The following MGST1 variants were observed in gnomAD, a reference collection of about 807,000 sequenced individuals.
MGST1 encodes the protein glutathione S-transferase 12.
A neutral mutation model predicts 8.9 loss-of-function variants in MGST1; 5 were observed. The observed-to-expected ratio is 0.56, with a 90% CI of 0.29 to 1.19. MGST1 has a LOEUF of 1.19. Among genes scored for constraint, MGST1 ranks in the 50% most tolerant of loss-of-function variants. The pLI is 0.08. For synonymous variants in MGST1, 54 were observed against 67.8 expected (o/e 0.80, Z 1.00); for missense variants, 182 against 187.4 (o/e 0.97, Z 0.17).
chr12:16,460,852 C>A (rs1360350996), intron 4 of MGST1, among the ~76,000 whole-genome samples: 3 of 151,962 alleles, frequency 2.0e-5, no homozygotes, highest in African/African-American at 7.2e-5. Context: ...ACAAAATACT[C>A]TTAAATGGTA....
At chr12:16,550,466 A>T (rs551934925) in intron 4 of MGST1, 14 of 152,592 alleles carry the variant, frequency 9.2e-5, no homozygotes, top group African/African-American at 3.1e-4. Flanking sequence ...AGGATATTAA[A>T]AGGAAACCTG....
chr12:16,471,011 A>G (rs530881878), intron 4 of MGST1, among the ~76,000 whole-genome samples: 4 of 152,366 alleles, frequency 2.6e-5, no homozygotes, highest in South Asian at 4.1e-4. Context: ...CATAGAAATT[A>G]CTTCATATGG....
chr12:16,480,437 G>A lies in MGST1; in HGVS notation n.482+96833G>A, dbSNP rs1010567908. On this transcript the variant is annotated intron_variant and non_coding_transcript_variant, in intron 4 of 4. Transcript: ENST00000538857. The stretch of plus-strand genomic sequence containing the variant: ...ATTACAGGCATAAGCCACCGTGGTC[G>A]GCCAGAAATTTGCTTTTTAAAAGAC... Among the ~76,000 whole-genome samples, 19 of 152,108 alleles carry A rather than the reference G, an allele frequency of 1.2e-4. No homozygotes were observed. The East Asian group carries it at 2.7e-3, about 22-fold the overall frequency.
rs1324057646 is a variant in MGST1, at chr12:16,586,316, A to G, written n.483-3212A>G. Among the ~76,000 whole-genome samples, 2 of 152,198 alleles carry G rather than the reference A, an allele frequency of 1.3e-5. No homozygotes were observed. The highest frequency in any genetic ancestry group is 2.9e-5 in the Non-Finnish European group (2 of 68,040). ...TGTCATGATACGATGAAGTCCACATACGGAACAACTAAGAAACAACTAAAA... is the reference window on the plus strand; with the variant it reads ...TGTCATGATACGATGAAGTCCACATGCGGAACAACTAAGAAACAACTAAAA... On this transcript the variant is annotated intron_variant and non_coding_transcript_variant, in intron 4 of 4. Transcript: ENST00000538857. This position sits in a 1 kb window ranked among gnomAD's most constrained non-coding sequence, Gnocchi z 4.3.
chr12:16,425,490 G>T (rs1282310514), intron 1 of MGST1, among the ~76,000 whole-genome samples: 2 of 152,108 alleles, frequency 1.3e-5, no homozygotes, highest in Non-Finnish European at 2.9e-5. Flanking sequence ...CTCCATGTTG[G>T]CCAAGCTGGT....
rs1157328543 is a variant in MGST1 at position 16,584,604 on chromosome 12, G to C, written n.483-4924G>C. Among the ~76,000 whole-genome samples, 1 of 152,242 alleles carries C rather than the reference G, an allele frequency of 6.6e-6. No individual in the cohort carries two copies. Among genetic ancestry groups the C allele is most frequent in the East Asian group, 1.9e-4 (1 of 5,178 alleles). Reference sequence around the variant, plus strand: ...GAGGAGTGGGGGGGGTAAGAGGCCTGTTTAGAGGTGGATGGCCTCAGATGT... The same window carrying C: ...GAGGAGTGGGGGGGGTAAGAGGCCTCTTTAGAGGTGGATGGCCTCAGATGT... On this transcript the variant is annotated intron_variant and non_coding_transcript_variant, in intron 4 of 4. Transcript: ENST00000538857. The surrounding 1 kb of genome is among the most constrained non-coding windows in gnomAD (Gnocchi z 5.2).
intron 4 of MGST1, among the ~76,000 whole-genome samples, chr12:16,525,776 C>T (rs958958448): frequency 1.3e-4 from 20 of 150,824 alleles, no homozygotes; most frequent in Admixed American, 4.0e-4. Context: ...TAAAAGTGTT[C>T]CTATTTCTCC....
chr12:16,511,589 G>T (rs1470309994), intron 4 of MGST1, among the ~76,000 whole-genome samples: 1 of 152,136 alleles, frequency 6.6e-6, no homozygotes, highest in African/African-American at 2.4e-5. Context: ...TTCCTAGAAG[G>T]CATTGTTCTT....
At chr12:16,521,960 AAT>A (rs1187272681) in intron 4 of MGST1, among the ~76,000 whole-genome samples, 3 of 152,004 alleles carry the variant, frequency 2.0e-5, no homozygotes, top group Non-Finnish European at 4.4e-5. Flanking sequence ...AGAAAAAAAA[AAT>A]AACTTTCATA....
At chr12:16,524,604 C>A (rs906821112) in intron 4 of MGST1, among the ~76,000 whole-genome samples, 7 of 152,040 alleles carry the variant, frequency 4.6e-5, no homozygotes, top group Non-Finnish European at 1.0e-4. Flanking sequence ...AACACCAAAC[C>A]TGTTAGACTT....
rs970584608 is a variant in MGST1, at chr12:16,513,744, G to A, written n.483-75784G>A. The A allele has an allele frequency of 1.4e-5, 8 of 574,816 alleles. No individual in the cohort carries two copies. Among genetic ancestry groups the A allele is most frequent in the Admixed American group, 3.8e-5 (2 of 52,664 alleles). The allele number at this position is 574,816 out of a possible 1,614,324, so 35.6% of individuals were successfully genotyped here. On this transcript the variant is annotated intron_variant and non_coding_transcript_variant, in intron 4 of 4. Coordinates refer to the MGST1 transcript ENST00000538857. This position sits in a 1 kb window ranked among gnomAD's most constrained non-coding sequence, Gnocchi z 4.2. ...CCTTGGGCGAGAATAGCGAAGTCTC[G>A]AAAAGTGGCCGGTTTGTCACTGTGC... is the stretch of plus-strand genomic sequence containing the variant.
chr12:16,519,236 C>A (rs1209861936), intron 4 of MGST1, among the ~76,000 whole-genome samples: 3 of 152,166 alleles, frequency 2.0e-5, no homozygotes, highest in African/African-American at 7.2e-5. Flanking sequence ...GCATAAAATA[C>A]CTGGCATATC....
intron 4 of MGST1, among the ~76,000 whole-genome samples, chr12:16,554,750 G>A (rs962806124): frequency 5.9e-5 from 9 of 152,122 alleles, no homozygotes; most frequent in Non-Finnish European, 4.4e-5. Context: ...TCCGCCTCCC[G>A]GGTTCCCGCC....
rs150323239 is a variant in MGST1, at chr12:16,425,287, T to C, written n.779-12101T>C. 5.3e-5 allele frequency among the ~76,000 whole-genome samples: 8 copies of C among 152,280 alleles called. No individual in the cohort carries two copies. In the East Asian group the frequency reaches 1.5e-3, roughly 29 times the overall value. On this transcript the variant is annotated intron_variant and non_coding_transcript_variant, in intron 1 of 1. Coordinates refer to the MGST1 transcript ENST00000359720. Reference sequence around the variant, plus strand: ...TTGGAAACTAGTGGGTTTTTTATTATGTATTTATTTATTTAGAGACAGAAT... The same window carrying C: ...TTGGAAACTAGTGGGTTTTTTATTACGTATTTATTTATTTAGAGACAGAAT...
chr12:16,529,186 C>T (rs913042722), intron 4 of MGST1, among the ~76,000 whole-genome samples: 8 of 151,972 alleles, frequency 5.3e-5, no homozygotes, highest in African/African-American at 1.9e-4. Flanking sequence ...CTCTCTCGCT[C>T]ACTCTTTCAT....
intron 4 of MGST1, among the ~76,000 whole-genome samples, chr12:16,561,837 A>C (rs1440481263): frequency 6.6e-6 from 1 of 152,196 alleles, no homozygotes; most frequent in African/African-American, 2.4e-5. Context: ...TCTCTTGAAG[A>C]GCATAAGCGC....
chr12:16,350,526 C>T (rs1447659172), intron 1 of MGST1, among the ~76,000 whole-genome samples: 1 of 152,218 alleles, frequency 6.6e-6, no homozygotes, highest in African/African-American at 2.4e-5. Flanking sequence ...TCTTCTCCCT[C>T]CTGACAACCT....
chr12:16,394,405 T>A (rs1940581610), intron 1 of MGST1, among the ~76,000 whole-genome samples: 1 of 151,840 alleles, frequency 6.6e-6, no homozygotes. Flanking sequence ...TCTCTTTCTT[T>A]CTTTCTTTCT....
intron 1 of MGST1, among the ~76,000 whole-genome samples, chr12:16,433,003 T>A (rs1425200371): frequency 6.6e-6 from 1 of 151,928 alleles, no homozygotes; most frequent in Non-Finnish European, 1.5e-5. Context: ...ATAGGATAGA[T>A]GTGTATATAA....
Sources: gnomAD v4.1 joint callset for allele counts (sites outside exome capture counted in the v4.1 genomes callset) on GRCh38, gnomAD v4.1.1 for gene constraint, Gnocchi (gnomAD v3.1) non-coding constraint, MANE v1.5 for transcripts, NCBI Gene and HGNC (gene_info 2026-07-23, HGNC 2026-07-21) for gene names.